Variants in REDIC1 observed in about 807,000 individuals in gnomAD.
REDIC1 encodes regulator of DNA class I crossover intermediates 1.
the REDIC1 span, among the ~76,000 whole-genome samples, chr12:39,800,500 C>T: frequency 7.7e-6 from 1 of 129,512 alleles, no homozygotes; most frequent in Non-Finnish European, 1.6e-5. Flanking sequence ...AAGAAATGCT[C>T]ATCATCACTG....
the REDIC1 span, among the ~76,000 whole-genome samples, chr12:39,848,470 G>A: frequency 6.6e-6 from 1 of 152,066 alleles, no homozygotes; most frequent in Non-Finnish European, 1.5e-5. Context: ...AAACCACAAT[G>A]AGAAACCATC....
At chr12:39,877,283 C>CAAAG in the REDIC1 span, among the ~76,000 whole-genome samples, 1 of 152,062 alleles carries the variant, frequency 6.6e-6, no homozygotes, top group Non-Finnish European at 1.5e-5. Flanking sequence ...CAAAGGAGAG[C>CAAAG]AAAGGTATGT....
chr12:39,764,423 T>C, the REDIC1 span: 3 of 1,495,336 alleles, frequency 2.0e-6, no homozygotes, highest in Non-Finnish European at 2.7e-6. Context: ...GTGATAAAAA[T>C]AAAAACAAAA....
the REDIC1 span, chr12:39,685,069 T>C: frequency 1.9e-6 from 1 of 536,222 alleles, no homozygotes; most frequent in Non-Finnish European, 3.1e-6. Context: ...CTTATACTTT[T>C]TTATTCTGAG....
chr12:39,672,066 G>A, the REDIC1 span, among the ~76,000 whole-genome samples: 4 of 152,150 alleles, frequency 2.6e-5, no homozygotes, highest in Non-Finnish European at 4.4e-5. Context: ...CCAGGACTCT[G>A]GAAGGCATAC....
At chr12:39,783,214 A>G in the REDIC1 span, among the ~76,000 whole-genome samples, 2 of 152,158 alleles carry the variant, frequency 1.3e-5, no homozygotes, top group Non-Finnish European at 2.9e-5. Context: ...CCTTTTTTAT[A>G]GCTGCATAGT....
the REDIC1 span, among the ~76,000 whole-genome samples, chr12:39,766,284 G>C: frequency 6.6e-6 from 1 of 152,112 alleles, no homozygotes; most frequent in African/African-American, 2.4e-5. Flanking sequence ...CTGCAATAAA[G>C]TGGGTCACAC....
chr12:39,767,001 C>G, the REDIC1 span, among the ~76,000 whole-genome samples: 1 of 152,094 alleles, frequency 6.6e-6, no homozygotes, highest in African/African-American at 2.4e-5. Context: ...GGTATTTTGA[C>G]CTCCTCCCAT....
At chr12:39,848,216 G>T in the REDIC1 span, among the ~76,000 whole-genome samples, 1 of 152,102 alleles carries the variant, frequency 6.6e-6, no homozygotes, top group African/African-American at 2.4e-5. Flanking sequence ...CACAGCAAAA[G>T]AAACTATCAA....
At chr12:39,850,533 C>T in the REDIC1 span, among the ~76,000 whole-genome samples, 2 of 152,140 alleles carry the variant, frequency 1.3e-5, no homozygotes, top group African/African-American at 2.4e-5. Context: ...CAAGCCAAAA[C>T]ATACACACTT....
the REDIC1 span, among the ~76,000 whole-genome samples, chr12:39,784,549 C>T: frequency 1.3e-5 from 2 of 152,188 alleles, no homozygotes; most frequent in Non-Finnish European, 2.9e-5. Flanking sequence ...TGGATCCCTT[C>T]CTTACACCTT....
chr12:39,872,586 T>C, the REDIC1 span, among the ~76,000 whole-genome samples: 8 of 152,362 alleles, frequency 5.3e-5, no homozygotes, highest in African/African-American at 1.4e-4. Context: ...CTCTGTAGAC[T>C]CATTTCGTGC....
the REDIC1 span, among the ~76,000 whole-genome samples, chr12:39,630,740 CAG>C: frequency 2.0e-5 from 3 of 152,180 alleles, no homozygotes; most frequent in African/African-American, 7.2e-5. Flanking sequence ...AAAAACAAAA[CAG>C]AAAAGCATTA....
At chr12:39,710,945 CAT>C in the REDIC1 span, among the ~76,000 whole-genome samples, 2 of 151,098 alleles carry the variant, frequency 1.3e-5, no homozygotes, top group Admixed American at 1.3e-4. Context: ...TATTTCCTCA[CAT>C]GAGAAAGTTC....
chr12:39,631,023 C>T, the REDIC1 span, among the ~76,000 whole-genome samples: 9,508 of 152,036 alleles, frequency 0.063, 1,045 homozygotes, highest in African/African-American at 0.22. Flanking sequence ...TCAGTAGCTG[C>T]GATTACAGGA....
the REDIC1 span, among the ~76,000 whole-genome samples, chr12:39,783,805 T>C: frequency 1.3e-5 from 2 of 152,324 alleles, no homozygotes; most frequent in Middle Eastern, 3.4e-3. Context: ...GCAGATGACA[T>C]GACTGTATAT....
the REDIC1 span, among the ~76,000 whole-genome samples, chr12:39,888,175 A>G: frequency 1.3e-5 from 2 of 152,274 alleles, no homozygotes; most frequent in East Asian, 3.9e-4. Flanking sequence ...TGCCCAGTTC[A>G]TGGGAGAAAA....
chr12:39,691,815 T>A, the REDIC1 span, among the ~76,000 whole-genome samples: 2 of 152,160 alleles, frequency 1.3e-5, no homozygotes, highest in African/African-American at 4.8e-5. Flanking sequence ...TTCTCAGTAA[T>A]TCATTTCTTG....
the REDIC1 span, among the ~76,000 whole-genome samples, chr12:39,869,091 T>C: frequency 2.6e-5 from 4 of 152,226 alleles, no homozygotes; most frequent in Admixed American, 6.5e-5. Flanking sequence ...TAGAACCGTA[T>C]GTTAGTACTA....
Sources: gnomAD v4.1 joint callset for allele counts (sites outside exome capture counted in the v4.1 genomes callset) on GRCh38, gnomAD v4.1.1 for gene constraint, MANE v1.5 for transcripts, NCBI Gene and HGNC (gene_info 2026-07-23, HGNC 2026-07-21) for gene names.